The following MECOM variants were observed in gnomAD, a reference collection of about 807,000 sequenced individuals.
MECOM encodes the protein histone-lysine N-methyltransferase MECOM.
In MECOM, 13 loss-of-function variants were observed where a neutral mutation model predicts 116.3. The ratio of observed to expected loss-of-function variants is 0.11; its 90% CI spans 0.07 to 0.18. The LOEUF is 0.18. Ranked by LOEUF, MECOM falls within the 10% of genes least tolerant of loss-of-function variation. The probability of loss-of-function intolerance (pLI) is 1.00; values close to 1 mark genes in which losing one functional copy is unlikely to be tolerated. For synonymous variants in MECOM, 528 were observed against 535.2 expected (o/e 0.99, Z 0.19); for missense variants, 1,299 against 1,509.0 (o/e 0.86, Z 2.31).
intron 14 of MECOM, among the ~76,000 whole-genome samples, chr3:169,091,043 T>C (rs935955712): frequency 6.6e-6 from 1 of 152,022 alleles, no homozygotes; most frequent in Non-Finnish European, 1.5e-5. Flanking sequence ...CCAGAAAAAG[T>C]CATATCATTA....
chr3:169,382,155 A>G (rs1732494871), intron 1 of MECOM, among the ~76,000 whole-genome samples: 1 of 152,212 alleles, frequency 6.6e-6, no homozygotes, highest in Non-Finnish European at 1.5e-5. Context: ...GAAGCCAGTG[A>G]TGCCTCTGGG....
chr3:169,299,275 T>C (rs1479551546), intron 2 of MECOM, among the ~76,000 whole-genome samples: 1 of 152,058 alleles, frequency 6.6e-6, no homozygotes, highest in Non-Finnish European at 1.5e-5. Flanking sequence ...ATGAAGACTG[T>C]AAACCCGCCG....
At chr3:169,344,714 G>A (rs1315169478) in intron 2 of MECOM, among the ~76,000 whole-genome samples, 2 of 152,198 alleles carry the variant, frequency 1.3e-5, no homozygotes, top group African/African-American at 4.8e-5. Context: ...TAGTCAGAAT[G>A]AGGTTTCTAA....
chr3:169,402,861 C>G (rs1274199042), intron 1 of MECOM, among the ~76,000 whole-genome samples: 1 of 152,110 alleles, frequency 6.6e-6, no homozygotes, highest in Non-Finnish European at 1.5e-5. Flanking sequence ...AAAGTGTTTG[C>G]CAGGTACACA....
At chr3:169,570,068 A>T (rs1763695534) in intron 1 of MECOM, among the ~76,000 whole-genome samples, 1 of 152,182 alleles carries the variant, frequency 6.6e-6, no homozygotes. Flanking sequence ...GAAAAGATTA[A>T]CAAAATAGAT....
At chr3:169,645,210 C>A (rs574544170) in intron 1 of MECOM, among the ~76,000 whole-genome samples, 1 of 152,162 alleles carries the variant, frequency 6.6e-6, no homozygotes, top group Non-Finnish European at 1.5e-5. Flanking sequence ...GGGCTACTGG[C>A]GTTCAACATC....
At chr3:169,661,305 TC>T (rs570611202) in intron 1 of MECOM, among the ~76,000 whole-genome samples, 10 of 41,152 alleles carry the variant, frequency 2.4e-4, no homozygotes, top group East Asian at 2.1e-3. Flanking sequence ...TCCCGCCAAC[TC>T]CCCCCCCCAC....
chr3:169,131,085 AGG>A (rs1366569180), intron 4 of MECOM, among the ~76,000 whole-genome samples: 1 of 152,190 alleles, frequency 6.6e-6, no homozygotes, highest in Admixed American at 6.5e-5. Flanking sequence ...CCCTTGATTT[AGG>A]AAAGCTCAAA....
At chr3:169,514,042 C>T (rs997678095) in intron 1 of MECOM, among the ~76,000 whole-genome samples, 1 of 152,164 alleles carries the variant, frequency 6.6e-6, no homozygotes, top group Non-Finnish European at 1.5e-5. Flanking sequence ...CAAGGGTGTG[C>T]ACATACTTTA....
chr3:169,118,627 G>A (rs1729954841), intron 7 of MECOM, among the ~76,000 whole-genome samples: 1 of 152,048 alleles, frequency 6.6e-6, no homozygotes, highest in Non-Finnish European at 1.5e-5. Flanking sequence ...AAAATGTCTT[G>A]ATGAGTATTC....
At chr3:169,392,893 T>C (rs370411843) in intron 1 of MECOM, among the ~76,000 whole-genome samples, 1 of 152,204 alleles carries the variant, frequency 6.6e-6, no homozygotes, top group South Asian at 2.1e-4. Context: ...CAGAATATTT[T>C]GGGGGGATTA....
chr3:169,527,544 A>G (rs528439762), intron 1 of MECOM, among the ~76,000 whole-genome samples: 37 of 152,314 alleles, frequency 2.4e-4, no homozygotes, highest in African/African-American at 7.9e-4. Flanking sequence ...TTTTCTTTTC[A>G]GGGCTTTATA....
At chr3:169,323,748 T>G (rs1475760265) in intron 2 of MECOM, among the ~76,000 whole-genome samples, 3 of 152,138 alleles carry the variant, frequency 2.0e-5, no homozygotes, top group African/African-American at 7.2e-5. Context: ...AAATGGAGAT[T>G]GTTTTTATAC....
chr3:169,434,108 CAT>C (rs1293834363), intron 1 of MECOM, among the ~76,000 whole-genome samples: 1 of 152,130 alleles, frequency 6.6e-6, no homozygotes, highest in Non-Finnish European at 1.5e-5. Context: ...ATGAATACCA[CAT>C]GTCCTTCAAT....
chr3:169,540,127 C>G (rs1012215160), intron 1 of MECOM, among the ~76,000 whole-genome samples: 12 of 152,200 alleles, frequency 7.9e-5, no homozygotes, highest in Non-Finnish European at 1.5e-5. Flanking sequence ...CATTTTCCAG[C>G]TGCCTCTTGG....
intron 1 of MECOM, among the ~76,000 whole-genome samples, chr3:169,443,398 A>G (rs1433036561): frequency 6.6e-6 from 1 of 152,188 alleles, no homozygotes; most frequent in African/African-American, 2.4e-5. Context: ...TGTAGCCCCA[A>G]TCTACCCCCA....
rs541783282 is a variant in MECOM, at chr3:169,433,058, A to G, written c.38-51534T>C. Reference sequence around the variant, plus strand: ...GTAAACTCAACATTTTTCTTTTGGAATCAAGGGTAAGATATAAAAGTTTAT... The same window carrying G: ...GTAAACTCAACATTTTTCTTTTGGAGTCAAGGGTAAGATATAAAAGTTTAT... On this transcript the variant is annotated intron_variant, in intron 1 of 16. Transcript: ENST00000651503. 6.6e-5 allele frequency among the ~76,000 whole-genome samples: 10 copies of G among 152,352 alleles called. No individual in the cohort carries two copies. In the South Asian group the frequency reaches 1.9e-3, roughly 28 times the overall value.
chr3:169,506,450 G>A (rs1755228804), intron 1 of MECOM, among the ~76,000 whole-genome samples: 1 of 150,908 alleles, frequency 6.6e-6, no homozygotes, highest in African/African-American at 2.5e-5. Context: ...TAATTGGCCT[G>A]TCTGAGGTGA....
At chr3:169,342,810 T>G (rs1423728481) in intron 2 of MECOM, among the ~76,000 whole-genome samples, 1 of 152,194 alleles carries the variant, frequency 6.6e-6, no homozygotes, top group Non-Finnish European at 1.5e-5. Flanking sequence ...AGTGGGAATG[T>G]GGCCACTAGG....
Sources: allele counts gnomAD v4.1 joint callset (sites outside exome capture counted in the v4.1 genomes callset), GRCh38; gene constraint gnomAD v4.1.1; transcripts MANE v1.5; gene names NCBI Gene and HGNC (gene_info 2026-07-23, HGNC 2026-07-21).